The following IFT172 variants were observed in gnomAD, a reference collection of about 807,000 sequenced individuals.
The protein encoded by IFT172 is intraflagellar transport protein 172 homolog.
In IFT172, 164 loss-of-function variants were observed where a neutral mutation model predicts 248.9. That is an observed-to-expected ratio of 0.66 (90% CI 0.58 to 0.75). IFT172 has a LOEUF of 0.75. Ranked by LOEUF, IFT172 falls within the 30% of genes least tolerant of loss-of-function variation. The pLI is 0.00. For synonymous variants in IFT172, 729 were observed against 791.6 expected, an observed-to-expected ratio of 0.92 and a Z score of 1.33; for missense variants, 1,950 against 2,192.4, an observed-to-expected ratio of 0.89 and a Z score of 2.21.
Position 27,468,836 on chromosome 2 carries a change from G to A in IFT172, c.1692+2092C>T, listed in dbSNP as rs185571574. ...TGCACTCCAGCCTGGGCAACAGAGCGACACTCCGTCTCAAAAAAAAAAAAA... is the reference window on the plus strand; with the variant it reads ...TGCACTCCAGCCTGGGCAACAGAGCAACACTCCGTCTCAAAAAAAAAAAAA... On this transcript the variant is annotated intron_variant, in intron 16 of 47. Transcript: ENST00000260570. Among the ~76,000 whole-genome samples, 1,083 of 136,826 alleles carry A rather than the reference G, an allele frequency of 7.9e-3. 10 individuals are homozygous for A. The highest frequency in any genetic ancestry group is 0.028 in the African/African-American group (1,031 of 36,416). 89.8% of individuals were successfully genotyped at this position (136,826 alleles called of 152,430 possible). A position where few individuals can be genotyped will look rare whatever the true frequency, so the allele number is the denominator to read the frequency against.
chr2:27,470,577 A>G (rs764073166), intron 16 of IFT172, among the ~76,000 whole-genome samples: 2 of 152,034 alleles, frequency 1.3e-5, no homozygotes, highest in African/African-American at 2.4e-5. Context: ...GTAATTTGAG[A>G]AAAAAAGGCA....
In IFT172 at chr2:27,457,825, CAGG is replaced by C. The variant is rs1666286092; in HGVS notation, c.3111+13_3111+15del. The C allele has an allele frequency of 6.2e-7, 1 of 1,614,010 alleles. No homozygotes were observed. Among genetic ancestry groups the C allele is most frequent in the Non-Finnish European group, 8.5e-7 (1 of 1,180,024 alleles). On this transcript the variant is annotated intron_variant, in intron 28 of 47. Coordinates refer to ENST00000260570, the MANE Select transcript of IFT172 (RefSeq NM_015662.3). Reference sequence around the variant, plus strand: ...TGGTTGGGGAAGAGATAGGGAGAGCCAGGAGAAGGGCTCACCTTGCCCAGATGT... The same window carrying C: ...TGGTTGGGGAAGAGATAGGGAGAGCCAGAAGGGCTCACCTTGCCCAGATGT...
At chr2:27,459,289 G>A in intron 25 of IFT172, 89 bp downstream of exon 25, 1 of 1,503,810 alleles carries the variant, frequency 6.6e-7, no homozygotes, top group East Asian at 2.3e-5. Context: ...GAAGGATCTG[G>A]TGAACTTGCC....
intron 41 of IFT172, 73 bp downstream of exon 41, chr2:27,447,739 A>G: frequency 6.2e-7 from 1 of 1,603,552 alleles, no homozygotes; most frequent in Admixed American, 1.7e-5. Flanking sequence ...AATACATCTG[A>G]GAATAAAGGT....
intron 40 of IFT172, 133 bp downstream of exon 40, chr2:27,448,782 G>C: frequency 1.5e-6 from 1 of 681,318 alleles, no homozygotes; most frequent in Non-Finnish European, 2.7e-6. Context: ...TTCTGGAGAT[G>C]CGTGGGGGGC....
intron 16 of IFT172, among the ~76,000 whole-genome samples, chr2:27,470,175 G>A (rs1667444247): frequency 6.6e-6 from 1 of 151,474 alleles, no homozygotes; most frequent in East Asian, 2.0e-4. Flanking sequence ...AGCCCAGGAG[G>A]CTGAGCTGCA....
At chr2:27,453,796 C>A (rs1650202334) in intron 33 of IFT172, 57 bp from the exon 34 acceptor site, 1 of 1,509,152 alleles carries the variant, frequency 6.6e-7, no homozygotes, top group Non-Finnish European at 9.1e-7. Flanking sequence ...CTTCCCACTG[C>A]CACACAGGTA....
intron 14 of IFT172, among the ~76,000 whole-genome samples, chr2:27,472,992 A>G (rs1227164754): frequency 1.3e-5 from 2 of 152,194 alleles, no homozygotes; most frequent in Non-Finnish European, 2.9e-5. Flanking sequence ...ACTTTGTTAT[A>G]TATGCTTAAG....
chr2:27,464,294 C>T (rs569415577), intron 18 of IFT172, among the ~76,000 whole-genome samples: 3 of 152,300 alleles, frequency 2.0e-5, no homozygotes, highest in African/African-American at 7.2e-5. Context: ...CTCATCACTC[C>T]TTCATTACCA....
intron 35 of IFT172, among the ~76,000 whole-genome samples, chr2:27,451,741 G>A (rs1665695182): frequency 6.6e-6 from 1 of 152,122 alleles, no homozygotes; most frequent in Non-Finnish European, 1.5e-5. Flanking sequence ...ACTCCAGCCT[G>A]GGCGACAGAG....
chr2:27,452,171 A>C (rs1201154366), intron 35 of IFT172, among the ~76,000 whole-genome samples: 1 of 152,208 alleles, frequency 6.6e-6, no homozygotes, highest in Admixed American at 6.5e-5. Context: ...GACCTCATCC[A>C]ATCATTTCAA....
Position 27,489,686 on chromosome 2 carries a change from A to T in IFT172, c.-33T>A. The T allele has an allele frequency of 1.3e-6, 2 of 1,580,934 alleles. No individual in the cohort carries two copies. Among genetic ancestry groups the T allele is most frequent in the Admixed American group, 1.7e-5 (1 of 57,774 alleles). On this transcript the variant is annotated 5_prime_UTR_variant, in exon 1 of 48. Transcript: ENST00000260570. Reference sequence around the variant, plus strand: ...ACCTGTCTTTCAGATGCTCCTAGACAGCGACAACTCCCGTGGTTACCTGGA... The same window carrying T: ...ACCTGTCTTTCAGATGCTCCTAGACTGCGACAACTCCCGTGGTTACCTGGA...
intron 35 of IFT172, among the ~76,000 whole-genome samples, chr2:27,452,456 A>ATG (rs781238033): frequency 1.1e-4 from 17 of 152,300 alleles, no homozygotes; most frequent in South Asian, 1.0e-3. Flanking sequence ...CTTTATATAC[A>ATG]TGTACACACA....
At position 27,457,852 on chromosome 2, in the gene IFT172, G is replaced by A. The variant is rs370373855; in HGVS notation, c.3100C>T (p.His1034Tyr). 6.2e-7 allele frequency: 1 copy of A among 1,614,072 alleles called. No individual in the cohort carries two copies. The highest frequency in any genetic ancestry group is 1.3e-5 in the African/African-American group (1 of 74,928). ...HPDLLSDTHL[H>Y]LGKELEAEGR... ...GGAGAAGGGCTCACCTTGCCCAGAT[G>A]TAGGTGTGTATCACTGAGGAGATCT... The change falls in exon 28 of 48, where the codon CAT becomes TAT. Residue 1034 changes from histidine (H) to tyrosine (Y), a missense_variant. Physicochemically the swap from His to Tyr is moderately conservative, Grantham distance 83. Transcript: ENST00000260570.
Position 27,481,076 on chromosome 2 carries a change from C to A in IFT172, c.755G>T (p.Gly252Val). Residue 252 changes from glycine (G) to valine (V), a missense_variant, in exon 8 of 48, where the codon GGC (glycine) becomes GTC (valine). Gly to Val is a moderately radical substitution (Grantham distance 109). Transcript: ENST00000260570. ...EFTTAVSSPG[G>V]QSVVLGSYDR... ...ATAACTTCCTAGCACAACAGACTGG[C>A]CCCCAGGACTTGATACAGCTGTGGT... The A allele has an allele frequency of 2.5e-6, 4 of 1,613,918 alleles. No individual in the cohort carries two copies. The highest frequency in any genetic ancestry group is 3.4e-6 in the Non-Finnish European group (4 of 1,179,882).
rs1473899367 is a variant in IFT172 at position 27,453,087 on chromosome 2, T to C, written c.3951+297A>G. 22 of 451,786 alleles carry C rather than the reference T, an allele frequency of 4.9e-5. No homozygotes were observed. In the Admixed American group the frequency reaches 5.7e-4, roughly 12 times the overall value. The allele number at this position is 451,786 out of a possible 1,614,324, so 28.0% of individuals were successfully genotyped here. On this transcript the variant is annotated intron_variant, in intron 35 of 47. Coordinates refer to ENST00000260570, the MANE Select transcript of IFT172 (RefSeq NM_015662.3). ...CCCCTCTAGCCCACAGAGATCTCAC[T>C]GTTCTCTGAACTCTACTTTAAATCA...
intron 16 of IFT172, among the ~76,000 whole-genome samples, chr2:27,469,762 A>C (rs1667408981): frequency 6.6e-6 from 1 of 151,722 alleles, no homozygotes; most frequent in Admixed American, 6.6e-5. Context: ...AATCCAGGAG[A>C]CAGAGGTTGC....
At chr2:27,481,987 CT>C (rs139411064) in intron 7 of IFT172, among the ~76,000 whole-genome samples, 2,340 of 140,630 alleles carry the variant, frequency 0.017, 7 homozygotes, top group Middle Eastern at 0.067. Context: ...AATAATTCTT[CT>C]TTTTTTTTTT....
rs72819536 is a variant in IFT172 at position 27,459,983 on chromosome 2, G to T, written c.2522-154C>A. Among the ~76,000 whole-genome samples, 56,903 of 151,876 alleles carry T rather than the reference G, an allele frequency of 0.37. 10,999 individuals are homozygous for T. Among genetic ancestry groups the T allele is most frequent in the Admixed American group, 0.44 (6,679 of 15,258 alleles). ...CTGAACACACGCACCAAGAGGTGTG[G>T]GGAAAAGCAAGAGAGATCAGATTGT... On this transcript the variant is annotated intron_variant, in intron 23 of 47. Transcript: ENST00000260570.
Sources: gnomAD v4.1 joint callset for allele counts (sites outside exome capture counted in the v4.1 genomes callset) on GRCh38, gnomAD v4.1.1 for gene constraint, MANE v1.5 for transcripts, NCBI Gene and HGNC (gene_info 2026-07-23, HGNC 2026-07-21) for gene names.